The following SUPT3H variants were observed in gnomAD, a reference collection of about 807,000 sequenced individuals.
The protein encoded by SUPT3H is SPT3 homolog, SAGA and STAGA complex component, also known as transcription initiation protein SPT3 homolog.
Under a neutral mutation model 44.3 loss-of-function variants are expected in SUPT3H, and 44 were observed. The observed-to-expected ratio is 0.99, with a 90% CI of 0.78 to 1.28. SUPT3H has a LOEUF of 1.28. SUPT3H is among the 50% of genes most tolerant of loss of function. The pLI is 0.00. For synonymous variants in SUPT3H, 124 were observed against 125.6 expected (o/e 0.99, Z 0.09); for missense variants, 380 against 387.1 (o/e 0.98, Z 0.15).
chr6:45,365,548 T>C (rs1354913321), intron 1 of SUPT3H, among the ~76,000 whole-genome samples: 1 of 151,550 alleles, frequency 6.6e-6, no homozygotes, highest in Non-Finnish European at 1.5e-5. Context: ...TTAGCACCTA[T>C]TTTACAATAG....
intron 11 of SUPT3H, among the ~76,000 whole-genome samples, chr6:44,812,818 C>T (rs1210455319): frequency 6.6e-6 from 1 of 152,148 alleles, no homozygotes; most frequent in Admixed American, 6.5e-5. Flanking sequence ...GAGTTTGGGG[C>T]TGCCAAGGCA....
At chr6:45,348,530 C>T (rs898381799) in intron 2 of SUPT3H, among the ~76,000 whole-genome samples, 11 of 75,816 alleles carry the variant, frequency 1.5e-4, no homozygotes, top group Admixed American at 1.2e-3. Context: ...AAAAAGTTAT[C>T]CAGGTATGGT....
At chr6:45,288,001 A>C (rs1017576360) in intron 2 of SUPT3H, among the ~76,000 whole-genome samples, 1 of 152,174 alleles carries the variant, frequency 6.6e-6, no homozygotes, top group Non-Finnish European at 1.5e-5. Context: ...TTGCCTTTAA[A>C]GTTTCCAGGT....
At chr6:44,952,298 A>T (rs1774430075) in intron 9 of SUPT3H, among the ~76,000 whole-genome samples, 1 of 152,226 alleles carries the variant, frequency 6.6e-6, no homozygotes, top group African/African-American at 2.4e-5. Flanking sequence ...ACAATCTGAA[A>T]CTGTAGGCAA....
At chr6:45,076,173 T>C (rs932937073) in intron 3 of SUPT3H, among the ~76,000 whole-genome samples, 2 of 152,180 alleles carry the variant, frequency 1.3e-5, no homozygotes, top group African/African-American at 4.8e-5. Context: ...CACACAGTGA[T>C]GTCAATTGCG....
chr6:44,912,836 G>T (rs892089629), intron 10 of SUPT3H, among the ~76,000 whole-genome samples: 1 of 152,158 alleles, frequency 6.6e-6, no homozygotes, highest in East Asian at 1.9e-4. Context: ...TCTGAATGTG[G>T]CAGTTACTGT....
In SUPT3H at chr6:45,350,537, A is replaced by T. The variant is rs756414682; in HGVS notation, c.101+14664T>A. 1.1e-3 allele frequency among the ~76,000 whole-genome samples: 168 copies of T among 152,348 alleles called. 2 individuals are homozygous for T. Among genetic ancestry groups the T allele is most frequent in the Middle Eastern group, 0.01 (3 of 294 alleles). ...TTCTCACAGAAGACCAATAATAGTC[A>T]CAAACTTGCTGAGTAACACTGCTTT... is the stretch of plus-strand genomic sequence containing the variant. On this transcript the variant is annotated intron_variant, in intron 2 of 10. Transcript: ENST00000371459.
chr6:44,863,909 C>T (rs1055312310), intron 10 of SUPT3H, among the ~76,000 whole-genome samples: 7 of 151,854 alleles, frequency 4.6e-5, no homozygotes, highest in African/African-American at 1.5e-4. Context: ...TATTCACTAC[C>T]ATGAGAACAG....
intron 10 of SUPT3H, among the ~76,000 whole-genome samples, chr6:44,912,132 A>G (rs1182743559): frequency 2.0e-5 from 3 of 152,214 alleles, no homozygotes; most frequent in African/African-American, 7.2e-5. Context: ...ACAATTTTTA[A>G]GTGTACAAGT....
At chr6:45,139,484 C>G (rs559482046) in intron 2 of SUPT3H, among the ~76,000 whole-genome samples, 1 of 152,040 alleles carries the variant, frequency 6.6e-6, no homozygotes, top group African/African-American at 2.4e-5. Context: ...AGCAACATAC[C>G]AGAAAAACTG....
At chr6:45,092,968 A>C (rs1048644942) in intron 3 of SUPT3H, among the ~76,000 whole-genome samples, 1 of 152,046 alleles carries the variant, frequency 6.6e-6, no homozygotes, top group African/African-American at 2.4e-5. Context: ...CAGCATAAAT[A>C]ATCTGTTCCC....
At chr6:45,188,662 A>G (rs1319957654) in intron 2 of SUPT3H, among the ~76,000 whole-genome samples, 1 of 152,180 alleles carries the variant, frequency 6.6e-6, no homozygotes, top group Non-Finnish European at 1.5e-5. Context: ...CCATGTCTAC[A>G]AACTAAAGAT....
At chr6:45,056,335 T>A (rs1421448537) in intron 3 of SUPT3H, among the ~76,000 whole-genome samples, 1 of 152,176 alleles carries the variant, frequency 6.6e-6, no homozygotes, top group Non-Finnish European at 1.5e-5. Flanking sequence ...CCTGGGTATC[T>A]ACCCAGAGGA....
intron 2 of SUPT3H, among the ~76,000 whole-genome samples, chr6:45,135,812 A>T (rs151078514): frequency 6.6e-6 from 1 of 152,338 alleles, no homozygotes; most frequent in Non-Finnish European, 1.5e-5. Flanking sequence ...GTTATTAAAA[A>T]GCCATCCAGT....
At chr6:44,876,545 C>T (rs9369519) in intron 10 of SUPT3H, among the ~76,000 whole-genome samples, 56,989 of 139,054 alleles carry the variant, frequency 0.41, 12,259 homozygotes, top group East Asian at 0.7. Context: ...GGAGATATAC[C>T]TAATGCTAGA....
At chr6:44,860,647 G>A (rs1274478245) in intron 10 of SUPT3H, among the ~76,000 whole-genome samples, 1 of 152,106 alleles carries the variant, frequency 6.6e-6, no homozygotes, top group Non-Finnish European at 1.5e-5. Context: ...GGACTTAATG[G>A]CAAGTGATTT....
chr6:44,945,878 T>C (rs2153469698), intron 9 of SUPT3H, among the ~76,000 whole-genome samples: 1 of 152,302 alleles, frequency 6.6e-6, no homozygotes, highest in East Asian at 1.9e-4. Context: ...GAAATGGCTA[T>C]TAGAAGAAGA....
intron 2 of SUPT3H, chr6:45,328,704 A>T: frequency 6.2e-7 from 1 of 1,611,966 alleles, no homozygotes; most frequent in Middle Eastern, 1.7e-4. Flanking sequence ...TACAAGTTCT[A>T]TCTGAAAAAA....
intron 3 of SUPT3H, among the ~76,000 whole-genome samples, chr6:45,036,170 A>C (rs1292272938): frequency 3.3e-5 from 5 of 152,178 alleles, no homozygotes. Flanking sequence ...AATAATAAAC[A>C]ACTTGCAATG....
Sources: gnomAD v4.1 joint callset for allele counts (sites outside exome capture counted in the v4.1 genomes callset) on GRCh38, gnomAD v4.1.1 for gene constraint, MANE v1.5 for transcripts, NCBI Gene and HGNC (gene_info 2026-07-23, HGNC 2026-07-21) for gene names.